The following UNC13C variants were observed in gnomAD, a reference collection of about 807,000 sequenced individuals.
UNC13C encodes the protein unc-13 homolog C.
In UNC13C, 174 loss-of-function variants were observed where a neutral mutation model predicts 245.4. That is an observed-to-expected ratio of 0.71 (90% CI 0.63 to 0.80). The LOEUF (loss-of-function observed/expected upper bound fraction) is 0.80. Among genes scored for constraint, UNC13C ranks in the 30% least tolerant of loss-of-function variants. UNC13C has a pLI of 0.00. For synonymous variants in UNC13C, 992 were observed against 895.1 expected, an observed-to-expected ratio of 1.11 and a Z score of -1.93; for missense variants, 2,829 against 2,602.9, an observed-to-expected ratio of 1.09 and a Z score of -1.89.
At chr15:54,375,887 A>T (rs2039596543) in intron 17 of UNC13C, among the ~76,000 whole-genome samples, 1 of 152,216 alleles carries the variant, frequency 6.6e-6, no homozygotes, top group Non-Finnish European at 1.5e-5. Flanking sequence ...CAATAAATGT[A>T]TATTTTTTTA....
At chr15:54,100,419 C>G (rs955725000) in intron 2 of UNC13C, among the ~76,000 whole-genome samples, 1 of 152,186 alleles carries the variant, frequency 6.6e-6, no homozygotes, top group African/African-American at 2.4e-5. Context: ...CCTCCTACCT[C>G]ACGGGCCATT....
intron 19 of UNC13C, among the ~76,000 whole-genome samples, chr15:54,491,459 A>G (rs1893700162): frequency 6.6e-6 from 1 of 152,206 alleles, no homozygotes; most frequent in African/African-American, 2.4e-5. Flanking sequence ...AAATGTAATT[A>G]TCAATATGCA....
chr15:54,022,704 C>T (rs560739265), intron 2 of UNC13C, among the ~76,000 whole-genome samples: 1 of 152,150 alleles, frequency 6.6e-6, no homozygotes, highest in African/African-American at 2.4e-5. Flanking sequence ...CATGGATCGT[C>T]TCATCTTTCT....
At chr15:54,253,569 C>T (rs935725347) in intron 8 of UNC13C, among the ~76,000 whole-genome samples, 2 of 152,140 alleles carry the variant, frequency 1.3e-5, no homozygotes, top group Admixed American at 6.5e-5. Context: ...ATTTGCGTCT[C>T]GTCGCCTAAA....
intron 4 of UNC13C, among the ~76,000 whole-genome samples, chr15:54,194,133 A>G (rs2034276999): frequency 6.6e-6 from 1 of 152,200 alleles, no homozygotes; most frequent in South Asian, 2.1e-4. Flanking sequence ...CAAGGTTTGC[A>G]GAGATCACTC....
intron 19 of UNC13C, among the ~76,000 whole-genome samples, chr15:54,469,961 T>TA (rs1257381245): frequency 6.6e-6 from 1 of 151,600 alleles, no homozygotes; most frequent in Non-Finnish European, 1.5e-5. Context: ...TGGTATGTTT[T>TA]ATCATAAAGT....
At chr15:54,130,287 ATTTTTT>A (rs71824258) in intron 2 of UNC13C, among the ~76,000 whole-genome samples, 1 of 81,282 alleles carries the variant, frequency 1.2e-5, no homozygotes, top group African/African-American at 4.9e-5. Context: ...TAGATAATTA[ATTTTTT>A]TTTTTTTTTT....
intron 19 of UNC13C, among the ~76,000 whole-genome samples, chr15:54,448,528 A>T (rs1002649148): frequency 6.6e-6 from 1 of 152,164 alleles, no homozygotes; most frequent in African/African-American, 2.4e-5. Context: ...CCATTATGTA[A>T]TGGCCTTCTT....
chr15:53,889,496 A>C, the UNC13C span, among the ~76,000 whole-genome samples: 1 of 152,238 alleles, frequency 6.6e-6, no homozygotes, highest in African/African-American at 2.4e-5. Flanking sequence ...TGTCATCTGC[A>C]AACAGAGACA....
In UNC13C at chr15:54,457,001, T is replaced by G. The variant is rs1891567217; in HGVS notation, c.4934-37607T>G. On this transcript the variant is annotated intron_variant, in intron 19 of 32. Transcript: ENST00000260323. ...TTCAACTTTTCCATGTTCAGTATAATGTTGGCTGTGGTTTGTCATAGATGG... is the reference window on the plus strand; with the variant it reads ...TTCAACTTTTCCATGTTCAGTATAAGGTTGGCTGTGGTTTGTCATAGATGG... 3.3e-5 allele frequency among the ~76,000 whole-genome samples: 5 copies of G among 152,150 alleles called. No individual in the cohort carries two copies. The South Asian group carries it at 1.0e-3, about 32-fold the overall frequency.
intron 2 of UNC13C, among the ~76,000 whole-genome samples, chr15:54,019,646 G>A (rs146745956): frequency 2.3e-4 from 35 of 152,202 alleles, no homozygotes; most frequent in African/African-American, 6.3e-4. Flanking sequence ...CTGTGATATC[G>A]GAAATTAGCA....
At chr15:54,201,165 G>A (rs2034509245) in intron 4 of UNC13C, among the ~76,000 whole-genome samples, 1 of 151,914 alleles carries the variant, frequency 6.6e-6, no homozygotes, top group Admixed American at 6.6e-5. Context: ...GATTAAAATG[G>A]TAATAAAAAA....
intron 4 of UNC13C, among the ~76,000 whole-genome samples, chr15:54,227,628 C>A (rs2140804368): frequency 6.6e-6 from 1 of 152,318 alleles, no homozygotes; most frequent in East Asian, 1.9e-4. Flanking sequence ...CCAGGCTTGG[C>A]TTCAGCCTTG....
chr15:54,331,723 T>C (rs1266952722), intron 14 of UNC13C, among the ~76,000 whole-genome samples: 1 of 152,102 alleles, frequency 6.6e-6, no homozygotes, highest in Non-Finnish European at 1.5e-5. Context: ...TTATTACACA[T>C]AGAGAAATGT....
the UNC13C span, among the ~76,000 whole-genome samples, chr15:53,866,239 T>A: frequency 1.2e-4 from 19 of 152,270 alleles, no homozygotes; most frequent in South Asian, 4.1e-4. Context: ...CCTTTCAAGT[T>A]TTGAAAGATT....
chr15:54,411,901 C>T (rs968413602), intron 18 of UNC13C, among the ~76,000 whole-genome samples: 5 of 152,122 alleles, frequency 3.3e-5, no homozygotes, highest in Non-Finnish European at 7.4e-5. Context: ...AAAATTCTAA[C>T]ATTACTGAGT....
At chr15:53,935,726 C>T in the UNC13C span, among the ~76,000 whole-genome samples, 1 of 152,126 alleles carries the variant, frequency 6.6e-6, no homozygotes, top group African/African-American at 2.4e-5. Context: ...GCCAGAAGAG[C>T]CCCCACCCTC....
At chr15:54,060,853 C>T (rs1468830977) in intron 2 of UNC13C, among the ~76,000 whole-genome samples, 3 of 151,850 alleles carry the variant, frequency 2.0e-5, no homozygotes, top group African/African-American at 2.4e-5. Context: ...TCATTCTCAG[C>T]AAACTATCAC....
chr15:54,032,577 A>G (rs7178355), intron 2 of UNC13C, among the ~76,000 whole-genome samples: 39,760 of 152,132 alleles, frequency 0.26, 5,362 homozygotes, highest in Middle Eastern at 0.32. Flanking sequence ...ATATGTATAT[A>G]TATTGTGACA....
Sources: allele counts gnomAD v4.1 joint callset (sites outside exome capture counted in the v4.1 genomes callset), GRCh38; gene constraint gnomAD v4.1.1; transcripts MANE v1.5; gene names NCBI Gene and HGNC (gene_info 2026-07-23, HGNC 2026-07-21).